The following HDX variants were observed in gnomAD, a reference collection of about 807,000 sequenced individuals.
The protein encoded by HDX is highly divergent homeobox.
HDX carries 19 observed loss-of-function variants against 45.2 expected under a neutral mutation model. The observed-to-expected ratio is 0.42, with a 90% CI of 0.29 to 0.62. HDX has a LOEUF of 0.62. HDX is among the 20% of genes least tolerant of loss of function. The probability of loss-of-function intolerance (pLI) is 0.20; values close to 1 mark genes in which losing one functional copy is unlikely to be tolerated. For missense variants in HDX, 532 were observed against 493.9 expected (o/e 1.08, Z -0.73); for synonymous variants, 188 against 172.8 (o/e 1.09, Z -0.69).
intron 4 of HDX, among the ~76,000 whole-genome samples, chrX:84,462,819 A>G (rs1217775265): frequency 9.0e-6 from 1 of 111,642 alleles, no homozygotes; most frequent in African/African-American, 3.2e-5. Flanking sequence ...TGAGTGAAAA[A>G]TCATAACTCA....
intron 4 of HDX, among the ~76,000 whole-genome samples, chrX:84,441,876 C>A (rs5922051): frequency 0.4 from 43,863 of 110,089 alleles, 7,072 homozygotes; most frequent in Middle Eastern, 0.55. Flanking sequence ...TACTCACACC[C>A]AAAATTGAAA....
intron 5 of HDX, among the ~76,000 whole-genome samples, chrX:84,366,970 A>G (rs966866754): frequency 1.8e-5 from 2 of 112,119 alleles, no homozygotes; most frequent in African/African-American, 6.5e-5. Context: ...CACCAAAAGC[A>G]ATGGAAACAA....
At chrX:84,449,043 A>G (rs2039939717) in intron 4 of HDX, among the ~76,000 whole-genome samples, 1 of 108,316 alleles carries the variant, frequency 9.2e-6, no homozygotes, top group Middle Eastern at 4.8e-3. Flanking sequence ...AACTTCAACA[A>G]TAGATCACAC....
At chrX:84,359,005 G>A (rs980464177) in intron 6 of HDX, among the ~76,000 whole-genome samples, 1 of 111,156 alleles carries the variant, frequency 9.0e-6, no homozygotes, top group Non-Finnish European at 1.9e-5. Flanking sequence ...CATGGAATCA[G>A]CTGTGGTAGG....
At chrX:84,339,923 A>G (rs2037050784) in intron 7 of HDX, among the ~76,000 whole-genome samples, 1 of 112,060 alleles carries the variant, frequency 8.9e-6, no homozygotes, top group Non-Finnish European at 1.9e-5. Context: ...TTCACTGTAT[A>G]TTAATTGTAG....
intron 6 of HDX, among the ~76,000 whole-genome samples, chrX:84,359,741 G>A (rs751832665): frequency 7.2e-5 from 8 of 111,300 alleles, no homozygotes; most frequent in Non-Finnish European, 1.5e-4. Flanking sequence ...CGGTATTTCC[G>A]GTTTTAAGTC....
intron 5 of HDX, among the ~76,000 whole-genome samples, chrX:84,425,644 A>T (rs1488417256): frequency 8.9e-6 from 1 of 112,022 alleles, no homozygotes; most frequent in African/African-American, 3.2e-5. Context: ...AATGAGATTC[A>T]GTCATTTGCA....
chrX:84,416,100 A>G (rs1371050569), intron 5 of HDX, among the ~76,000 whole-genome samples: 2 of 111,976 alleles, frequency 1.8e-5, no homozygotes, highest in Non-Finnish European at 3.8e-5. Flanking sequence ...CAGACAGGTT[A>G]TTAGGTCACC....
At chrX:84,341,688 C>T (rs1430265001) in intron 7 of HDX, among the ~76,000 whole-genome samples, 1 of 109,103 alleles carries the variant, frequency 9.2e-6, no homozygotes, top group African/African-American at 3.3e-5. Context: ...AATAATGACG[C>T]CTCTTCCTTC....
chrX:84,399,828 A>G lies in HDX; in HGVS notation c.1306-38216T>C, dbSNP rs541472797. 2.7e-5 allele frequency among the ~76,000 whole-genome samples: 3 copies of G among 111,862 alleles called. No homozygotes were observed. In the South Asian group the frequency reaches 1.1e-3, roughly 42 times the overall value. On this transcript the variant is annotated intron_variant, in intron 5 of 10. Coordinates refer to ENST00000373177, the MANE Select transcript of HDX (RefSeq NM_001177479.2). The stretch of plus-strand genomic sequence containing the variant: ...AAAATCCTCAATAAAATACTGGCAA[A>G]CTGAATCCAGCAGCACATCAAAAAG...
At chrX:84,495,488 G>A (rs915691213) in intron 1 of HDX, among the ~76,000 whole-genome samples, 3 of 110,733 alleles carry the variant, frequency 2.7e-5, no homozygotes, top group African/African-American at 9.8e-5. Flanking sequence ...AATAATGAAG[G>A]ATTATCCCCA....
At chrX:84,484,257 CT>C (rs977363047) in intron 2 of HDX, among the ~76,000 whole-genome samples, 9 of 111,902 alleles carry the variant, frequency 8.0e-5, no homozygotes, top group Non-Finnish European at 1.5e-4. Context: ...TGTTCTCACG[CT>C]GCTATAAAGA....
chrX:84,379,129 A>T (rs1351308612), intron 5 of HDX, among the ~76,000 whole-genome samples: 2 of 110,054 alleles, frequency 1.8e-5, no homozygotes, highest in African/African-American at 6.5e-5. Context: ...ATATAATCAA[A>T]TTATACATAT....
intron 4 of HDX, among the ~76,000 whole-genome samples, chrX:84,468,123 A>G (rs2040386869): frequency 9.0e-6 from 1 of 111,487 alleles, no homozygotes; most frequent in Non-Finnish European, 1.9e-5. Context: ...GAAAACCATT[A>G]TAGGAATAAT....
intron 2 of HDX, 52 bp from the exon 3 acceptor site, chrX:84,475,449 C>T (rs1354263989): frequency 1.3e-6 from 1 of 791,374 alleles, no homozygotes; most frequent in Non-Finnish European, 1.8e-6. Flanking sequence ...TTGGTATGTG[C>T]AGAATTTGTA....
At chrX:84,466,580 T>C (rs1315655857) in intron 4 of HDX, among the ~76,000 whole-genome samples, 1 of 112,247 alleles carries the variant, frequency 8.9e-6, no homozygotes, top group African/African-American at 3.2e-5. Context: ...GGTTCTTTTA[T>C]TTTAAAAAAT....
chrX:84,355,423 C>A (rs1415170868), intron 6 of HDX, among the ~76,000 whole-genome samples: 5 of 111,463 alleles, frequency 4.5e-5, no homozygotes, highest in African/African-American at 1.3e-4. Context: ...CAAAATATTT[C>A]TCCAATGTAT....
chrX:84,370,234 G>C (rs1458811858), intron 5 of HDX, among the ~76,000 whole-genome samples: 1 of 111,620 alleles, frequency 9.0e-6, no homozygotes, highest in Non-Finnish European at 1.9e-5. Flanking sequence ...TGCTGGATTT[G>C]GGACTGGAAT....
chrX:84,492,696 C>T (rs776208568), intron 1 of HDX, among the ~76,000 whole-genome samples: 15 of 111,331 alleles, frequency 1.3e-4, no homozygotes, highest in African/African-American at 4.6e-4. Flanking sequence ...CACTCCTACA[C>T]AATTTATATA....
Sources: gnomAD v4.1 joint callset for allele counts (sites outside exome capture counted in the v4.1 genomes callset) on GRCh38, gnomAD v4.1.1 for gene constraint, MANE v1.5 for transcripts, NCBI Gene and HGNC (gene_info 2026-07-23, HGNC 2026-07-21) for gene names.